RIPPLY2: variants seen among roughly 807,000 people sequenced by gnomAD.
RIPPLY2 encodes ripply transcriptional repressor 2.
A neutral mutation model predicts 17.7 loss-of-function variants in RIPPLY2; 20 were observed. The observed-to-expected ratio is 1.13, with a 90% CI of 0.79 to 1.64. The LOEUF (loss-of-function observed/expected upper bound fraction) is 1.64. Ranked by LOEUF, RIPPLY2 falls within the 40% of genes most tolerant of loss-of-function variation. The pLI is 0.00. For missense variants in RIPPLY2, 213 were observed against 169.8 expected (o/e 1.25, Z -1.41); for synonymous variants, 69 against 63.9 (o/e 1.08, Z -0.38).
chr6:83,857,030 T>A (rs972656087), intron 3 of RIPPLY2: 6 of 284,468 alleles, frequency 2.1e-5, no homozygotes, highest in African/African-American at 1.3e-4. Flanking sequence ...ACAGCTTGAA[T>A]AAAGATTTAC....
Position 83,853,763 on chromosome 6 carries a change from C to A in RIPPLY2, c.164C>A (p.Ala55Asp). 1.9e-6 allele frequency: 3 copies of A among 1,612,762 alleles called. No individual in the cohort carries two copies. The highest frequency in any genetic ancestry group is 2.5e-6 in the Non-Finnish European group (3 of 1,179,734). ...AAAGAAGAGGAGACGCCGAACCACG[C>A]CGCGGAGGCGGTGAGTGAGCCACGC... ...GKKEEETPNH[A>D]AEAMPDGPGM... Residue 55 changes from alanine (A) to aspartate (D), a missense_variant, in exon 2 of 4, where the codon GCC becomes GAC. By Grantham distance (126) the Ala-to-Asp change is moderately radical (BLOSUM62 -2). Transcript: ENST00000369689.
intron 2 of RIPPLY2, 48 bp downstream of exon 2, chr6:83,853,821 ATCGACCAGGGC>A: frequency 6.5e-7 from 1 of 1,532,824 alleles, no homozygotes; most frequent in Non-Finnish European, 9.0e-7. Flanking sequence ...GGTGCAGAAG[ATCGACCAGGGC>A]TCTCGGGACG....
chr6:83,853,266 G>C (rs191338538), upstream of RIPPLY2: 217 of 623,758 alleles, frequency 3.5e-4, no homozygotes, highest in Admixed American at 1.7e-3. Flanking sequence ...TTTTGTTTAT[G>C]CGGCTAGCAG....
At chr6:83,853,959 A>G in intron 2 of RIPPLY2, 138 bp from the exon 3 acceptor site, 1 of 1,027,840 alleles carries the variant, frequency 9.7e-7, no homozygotes. Context: ...GATGGGCCAC[A>G]GGCACCCAGC....
At chr6:83,855,016 A>G (rs2129125259) in intron 3 of RIPPLY2, 1 of 152,374 alleles carries the variant, frequency 6.6e-6, no homozygotes, top group East Asian at 1.9e-4. Context: ...AGGGAAGTGT[A>G]TATTATAAGT....
intron 3 of RIPPLY2, chr6:83,856,215 A>G (rs1223207534): frequency 6.6e-6 from 1 of 152,234 alleles, no homozygotes; most frequent in Non-Finnish European, 1.5e-5. Context: ...GATCACTAAA[A>G]TATTTATTGA....
At chr6:83,856,362 T>G (rs1405460034) in intron 3 of RIPPLY2, 1 of 152,232 alleles carries the variant, frequency 6.6e-6, no homozygotes, top group Non-Finnish European at 1.5e-5. Context: ...CATAATGTAA[T>G]CTTCCATTTG....
In RIPPLY2 at chr6:83,857,253, C is replaced by G; in HGVS notation, c.251C>G (p.Pro84Arg). The G allele has an allele frequency of 2.0e-6, 3 of 1,498,730 alleles. No homozygotes were observed. Among genetic ancestry groups the G allele is most frequent in the Non-Finnish European group, 1.8e-6 (2 of 1,124,002 alleles). 92.8% of individuals were successfully genotyped at this position (1,498,730 alleles called of 1,614,324 possible). Residue 84 changes from proline to arginine, a missense_variant, in exon 4 of 4, where the codon CCA becomes CGA. Coordinates refer to ENST00000369689, the MANE Select transcript of RIPPLY2 (RefSeq NM_001009994.3). ...TCTGCTTCTTTCAGACTATTTTGGCCAAAATCAAAATGTTATGATTACTTA... is the reference window on the plus strand; with the variant it reads ...TCTGCTTCTTTCAGACTATTTTGGCGAAAATCAAAATGTTATGATTACTTA... ...QFRHPVRLFW[P>R]KSKCYDYLYQ...
intron 1 of RIPPLY2, 51 bp from the exon 2 acceptor site, chr6:83,853,644 G>A: frequency 6.3e-7 from 1 of 1,585,880 alleles, no homozygotes; most frequent in Non-Finnish European, 8.6e-7. Flanking sequence ...GGATTCTCCC[G>A]GGTCTGGGCT....
Position 83,857,513 on chromosome 6 carries a change from T to C in RIPPLY2, c.*124T>C, listed in dbSNP as rs59456869. The C allele has an allele frequency of 8.4e-3, 4,361 of 521,382 alleles. 157 individuals carry two copies. Among genetic ancestry groups the C allele is most frequent in the African/African-American group, 0.08 (3,964 of 49,484 alleles). The allele number at this position is 521,382 out of a possible 1,614,324, so 32.3% of individuals were successfully genotyped here. A position where few individuals can be genotyped will look rare whatever the true frequency, so the allele number is the denominator to read the frequency against. Reference sequence around the variant, plus strand: ...ATTATTAATAAAATGAAATATTTTGTAATTATTCTGGTATTTGGCCTTTTC... The same window carrying C: ...ATTATTAATAAAATGAAATATTTTGCAATTATTCTGGTATTTGGCCTTTTC... On this transcript the variant is annotated 3_prime_UTR_variant, in exon 4 of 4. Coordinates refer to ENST00000369689, the MANE Select transcript of RIPPLY2 (RefSeq NM_001009994.3).
rs776756319 is a variant in RIPPLY2 at position 83,853,700 on chromosome 6, C to T, written c.101C>T (p.Ala34Val). The T allele has an allele frequency of 9.3e-6, 15 of 1,613,578 alleles. No individual in the cohort carries two copies. In the Admixed American group the frequency reaches 2.3e-4, roughly 25 times the overall value. Reference protein sequence around the residue: ...TRRAGADSGYAGFWRPWVDAG... With the variant: ...TRRAGADSGYVGFWRPWVDAG... ...TGTGCTCCCCTATCCCGCAGATACG[C>T]AGGCTTCTGGAGACCCTGGGTGGAC... The change falls in exon 2 of 4, where the codon GCA becomes GTA. Residue 34 changes from alanine to valine, a missense_variant. Physicochemically the swap from Ala to Val is moderately conservative, Grantham distance 64. Coordinates refer to ENST00000369689, the MANE Select transcript of RIPPLY2 (RefSeq NM_001009994.3).
intron 1 of RIPPLY2, 79 bp from the exon 2 acceptor site, chr6:83,853,616 C>A: frequency 6.4e-7 from 1 of 1,559,064 alleles, no homozygotes; most frequent in Non-Finnish European, 8.7e-7. Context: ...CTGCCCGGTG[C>A]CAGCGCTCGG....
intron 3 of RIPPLY2, 90 bp downstream of exon 3, chr6:83,854,251 C>T (rs2099454649): frequency 9.9e-7 from 1 of 1,008,304 alleles, no homozygotes; most frequent in East Asian, 2.4e-5. Context: ...GCAGCTGGTC[C>T]TGCAGTCTCT....
At chr6:83,855,996 G>A (rs1167603129) in intron 3 of RIPPLY2, 2 of 152,128 alleles carry the variant, frequency 1.3e-5, no homozygotes, top group South Asian at 2.1e-4. Flanking sequence ...TTCCAGTTAC[G>A]CATTAGGAAA....
rs987143487 is a variant in RIPPLY2 at position 83,853,441 on chromosome 6, G to T, written c.25G>T (p.Gly9Cys). MENAGGAE[G>C]TESGAAACAA... ...CATGGAGAACGCGGGAGGCGCAGAG[G>T]GTACAGAGAGTGGAGCTGCGGCGTG... The change falls in exon 1 of 4, where the codon GGT becomes TGT. Residue 9 changes from glycine (G) to cysteine (C), a missense_variant. By Grantham distance (159) the Gly-to-Cys change is radical. Coordinates refer to ENST00000369689, the MANE Select transcript of RIPPLY2 (RefSeq NM_001009994.3). 2.7e-5 allele frequency: 42 copies of T among 1,543,878 alleles called. No homozygotes were observed. The Middle Eastern group carries it at 8.0e-4, about 30-fold the overall frequency.
chr6:83,853,985 T>G, intron 2 of RIPPLY2, 112 bp from the exon 3 acceptor site: 2 of 1,161,008 alleles, frequency 1.7e-6, no homozygotes, highest in Admixed American at 3.5e-5. Context: ...GCGAGGCTGC[T>G]GAGAGCCCTG....
Position 83,857,285 on chromosome 6 carries a change from G to C in RIPPLY2, c.283G>C (p.Glu95Gln). ...KSKCYDYLYQ[E>Q]AEALLKNFPI... ...AAAATGTTATGATTACTTATATCAA[G>C]AAGCAGAAGCTCTTCTGAAAAATTT... Residue 95 changes from glutamate to glutamine, a missense_variant, in exon 4 of 4, where the codon GAA (glutamate) becomes CAA (glutamine). Glu to Gln is a conservative substitution (Grantham distance 29). Coordinates refer to ENST00000369689, the MANE Select transcript of RIPPLY2 (RefSeq NM_001009994.3). 1.3e-6 allele frequency: 2 copies of C among 1,549,536 alleles called. No homozygotes were observed. The highest frequency in any genetic ancestry group is 1.4e-5 in the African/African-American group (1 of 71,470).
chr6:83,854,171 A>C lies in RIPPLY2; in HGVS notation c.239+10A>C. On this transcript the variant is annotated intron_variant, in intron 3 of 3. Transcript: ENST00000369689. ...TCAGGCACCCAGTCAGGTGAGTGAC[A>C]GGCCTCGCCGAAGGTCTCCCGCTCC... The C allele has an allele frequency of 6.2e-7, 1 of 1,612,494 alleles. No individual in the cohort carries two copies. Among genetic ancestry groups the C allele is most frequent in the South Asian group, 1.1e-5 (1 of 91,068 alleles).
Position 83,853,483 on chromosome 6 carries a change from C to T in RIPPLY2, c.67C>T (p.Pro23Ser), listed in dbSNP as rs930754695. The change falls in exon 1 of 4, where the codon CCT becomes TCT. Residue 23 changes from proline to serine, a missense_variant. Physicochemically the swap from Pro to Ser is moderately conservative, Grantham distance 74. Coordinates refer to ENST00000369689, the MANE Select transcript of RIPPLY2 (RefSeq NM_001009994.3). ...GAAACAATDG[P>S]TRRAGADSGY... ...TGCGGCGTGCGCGGCCACCGACGGC[C>T]CTACGCGGCGCGCGGGCGCGGACTC... The T allele has an allele frequency of 3.9e-6, 6 of 1,539,632 alleles. No homozygotes were observed. The highest frequency in any genetic ancestry group is 5.2e-6 in the Non-Finnish European group (6 of 1,145,564).
Sources: allele counts gnomAD v4.1 joint callset, GRCh38; gene constraint gnomAD v4.1.1; transcripts MANE v1.5; gene names NCBI Gene and HGNC (gene_info 2026-07-23, HGNC 2026-07-21).